Variants in USO1 observed in about 807,000 individuals in gnomAD.
USO1 encodes the protein general vesicular transport factor p115.
USO1 carries 57 observed loss-of-function variants against 124.5 expected under a neutral mutation model. The observed-to-expected ratio is 0.46, with a 90% CI of 0.37 to 0.57. USO1 has a LOEUF of 0.57. USO1 is among the 20% of genes least tolerant of loss of function. The pLI is 0.00. For missense variants in USO1, 900 were observed against 1,040.6 expected (o/e 0.86, Z 1.86); for synonymous variants, 369 against 362.8 (o/e 1.02, Z -0.19).
intron 4 of USO1, among the ~76,000 whole-genome samples, chr4:75,768,789 C>T (rs909874132): frequency 2.0e-5 from 3 of 152,174 alleles, no homozygotes; most frequent in African/African-American, 7.2e-5. Flanking sequence ...CTTTGTCATC[C>T]AGTCTTGTGA....
chr4:75,731,821 A>AT (rs1378346859), intron 1 of USO1, among the ~76,000 whole-genome samples: 1 of 151,982 alleles, frequency 6.6e-6, no homozygotes, highest in Non-Finnish European at 1.5e-5. Context: ...CCTGTTCTTT[A>AT]TTTTTTCCTG....
chr4:75,744,723 A>G (rs1384123202), intron 1 of USO1, among the ~76,000 whole-genome samples: 1 of 152,198 alleles, frequency 6.6e-6, no homozygotes, highest in African/African-American at 2.4e-5. Context: ...CCCAGCCCCT[A>G]TCCTTTTTGT....
intron 4 of USO1, among the ~76,000 whole-genome samples, chr4:75,768,499 T>C (rs1721832714): frequency 6.6e-6 from 1 of 152,256 alleles, no homozygotes; most frequent in Non-Finnish European, 1.5e-5. Context: ...ATCCTGCAAC[T>C]TTCTAAGCTT....
At chr4:75,810,227 C>T (rs924896737) in intron 21 of USO1, among the ~76,000 whole-genome samples, 1 of 152,228 alleles carries the variant, frequency 6.6e-6, no homozygotes, top group Non-Finnish European at 1.5e-5. Context: ...CTTCCTCGTA[C>T]TCTTATGAGA....
chr4:75,781,830 A>T (rs902658389), intron 8 of USO1, among the ~76,000 whole-genome samples: 6 of 152,224 alleles, frequency 3.9e-5, no homozygotes, highest in African/African-American at 1.4e-4. Context: ...GATGTACCAG[A>T]TGAGCTTACT....
At chr4:75,811,344 C>T (rs976551983) in intron 22 of USO1, among the ~76,000 whole-genome samples, 5 of 152,122 alleles carry the variant, frequency 3.3e-5, no homozygotes, top group African/African-American at 7.2e-5. Flanking sequence ...TTAGTAGAGA[C>T]GAGGATTCGC....
intron 1 of USO1, among the ~76,000 whole-genome samples, chr4:75,749,746 A>G (rs1333999635): frequency 2.0e-5 from 3 of 148,052 alleles, no homozygotes; most frequent in Non-Finnish European, 4.5e-5. Flanking sequence ...TTTTTAAACT[A>G]TGTTCTTTTT....
chr4:75,782,622 G>T, intron 8 of USO1, 58 bp from the exon 9 acceptor site: 1 of 1,494,742 alleles, frequency 6.7e-7, no homozygotes, highest in South Asian at 1.3e-5. Context: ...AAAATGTTTG[G>T]GAGTTTTGCG....
At chr4:75,725,587 ACTC>A (rs938520706) in intron 1 of USO1, among the ~76,000 whole-genome samples, 6 of 149,972 alleles carry the variant, frequency 4.0e-5, no homozygotes, top group African/African-American at 1.5e-4. Context: ...TTCTGCCTGA[ACTC>A]CTAATGACAT....
chr4:75,799,477 T>G (rs936516874), intron 13 of USO1, 145 bp from the exon 14 acceptor site: 1 of 856,494 alleles, frequency 1.2e-6, no homozygotes, highest in Non-Finnish European at 1.7e-6. Flanking sequence ...TATTCTCTTG[T>G]TTAGTTTTTT....
Position 75,801,109 on chromosome 4 carries a change from G to A in USO1, c.1895G>A (p.Ser632Asn), listed in dbSNP as rs1400038710. ...GVITKAIYKS[S>N]EEDKKEEEVK... ...ATAACTAAGGCTATTTATAAGTCCAGTGAAGAAGATAAAAAAGAAGAAGAG... is the reference window on the plus strand; with the variant it reads ...ATAACTAAGGCTATTTATAAGTCCAATGAAGAAGATAAAAAAGAAGAAGAG... The change falls in exon 17 of 24, where the codon AGT (serine) becomes AAT (asparagine). Residue 632 changes from serine (S) to asparagine (N), a missense_variant. Coordinates refer to ENST00000514213, the MANE Select transcript of USO1 (RefSeq NM_003715.4). The A allele has an allele frequency of 4.4e-6, 7 of 1,596,502 alleles. No homozygotes were observed. The highest frequency in any genetic ancestry group is 1.3e-5 in the African/African-American group (1 of 74,504).
intron 1 of USO1, among the ~76,000 whole-genome samples, chr4:75,738,320 G>A (rs1248573657): frequency 1.3e-5 from 2 of 151,948 alleles, no homozygotes; most frequent in South Asian, 4.2e-4. Context: ...AGCTGGGCAT[G>A]GTGGCACATG....
At chr4:75,799,983 G>A (rs1199195416) in intron 14 of USO1, among the ~76,000 whole-genome samples, 2 of 148,994 alleles carry the variant, frequency 1.3e-5, no homozygotes, top group Non-Finnish European at 1.5e-5. Context: ...TTGCTCTGTC[G>A]CCCAGGCTGG....
At chr4:75,737,036 C>T (rs1273076487) in intron 1 of USO1, among the ~76,000 whole-genome samples, 2 of 152,128 alleles carry the variant, frequency 1.3e-5, no homozygotes, top group African/African-American at 4.8e-5. Context: ...GCCTGCATAT[C>T]CTGATTTGAG....
chr4:75,810,410 T>A, intron 21 of USO1, 22 bp from the exon 22 acceptor site: 2 of 1,588,478 alleles, frequency 1.3e-6, no homozygotes, highest in South Asian at 1.2e-5. Flanking sequence ...GAGACATCTT[T>A]TTTTCCAATT....
chr4:75,784,508 A>G (rs1722305802), intron 9 of USO1, among the ~76,000 whole-genome samples: 1 of 152,190 alleles, frequency 6.6e-6, no homozygotes, highest in Admixed American at 6.5e-5. Flanking sequence ...TTCTGAAGGA[A>G]GTGTCACTGT....
intron 1 of USO1, among the ~76,000 whole-genome samples, chr4:75,746,737 A>C (rs1721137059): frequency 6.6e-6 from 1 of 152,248 alleles, no homozygotes; most frequent in African/African-American, 2.4e-5. Flanking sequence ...TCAAGGTAGC[A>C]AAAGTATAAG....
At chr4:75,810,367 C>G in intron 21 of USO1, 65 bp from the exon 22 acceptor site, 3 of 1,474,888 alleles carry the variant, frequency 2.0e-6, no homozygotes, top group East Asian at 2.5e-5. Context: ...ATTAAATAAC[C>G]CTTTGGGAGT....
At position 75,795,646 on chromosome 4, in the gene USO1, GT is replaced by G. The variant is rs1269008740; in HGVS notation, c.1452+1751del. On this transcript the variant is annotated intron_variant, in intron 13 of 23. Transcript: ENST00000514213. ...GATTTCCTTGGTTTCGGTTTTTTGT[GT>G]TTTTTCTCCAAGCTTGCCTATTTAT... Among the ~76,000 whole-genome samples, 3 of 152,006 alleles carry G rather than the reference GT, an allele frequency of 2.0e-5. No individual in the cohort carries two copies. The East Asian group carries it at 5.8e-4, about 29-fold the overall frequency.
Sources: allele counts gnomAD v4.1 joint callset (sites outside exome capture counted in the v4.1 genomes callset), GRCh38; gene constraint gnomAD v4.1.1; transcripts MANE v1.5; gene names NCBI Gene and HGNC (gene_info 2026-07-23, HGNC 2026-07-21).